IL4I1: variants seen among roughly 807,000 people sequenced by gnomAD.
IL4I1 encodes the protein interleukin 4 induced 1, also known as L-amino-acid oxidase.
Under a neutral mutation model 29.7 loss-of-function variants are expected in IL4I1, and 24 were observed. The ratio of observed to expected loss-of-function variants is 0.81; its 90% CI spans 0.59 to 1.14. The LOEUF (loss-of-function observed/expected upper bound fraction) is 1.14. Among genes scored for constraint, IL4I1 ranks in the 50% most tolerant of loss-of-function variants. The probability of loss-of-function intolerance (pLI) is 0.00; values close to 1 mark genes in which losing one functional copy is unlikely to be tolerated. For synonymous variants in IL4I1, 371 were observed against 352.5 expected, an observed-to-expected ratio of 1.05 and a Z score of -0.59; for missense variants, 686 against 785.6, an observed-to-expected ratio of 0.87 and a Z score of 1.52.
chr19:49,928,148 G>T (rs1287316436), intron 1 of IL4I1: 1 of 152,302 alleles, frequency 6.6e-6, no homozygotes, highest in Non-Finnish European at 1.5e-5. Context: ...GACAGCAGGT[G>T]TTGGACAGTC....
In IL4I1 at chr19:49,908,396, A is replaced by G; in HGVS notation, c.-227-4075T>C. On this transcript the variant is annotated intron_variant, in intron 2 of 9. Transcript: ENST00000341114. ...ATTGAGGATCTTGCAGATCTGCTGCAGTGGGTCACTGGTGTCGGCGGGGGC... is the reference window on the plus strand; with the variant it reads ...ATTGAGGATCTTGCAGATCTGCTGCGGTGGGTCACTGGTGTCGGCGGGGGC... 1.9e-6 allele frequency: 3 copies of G among 1,614,178 alleles called. No individual in the cohort carries two copies. Among genetic ancestry groups the G allele is most frequent in the Non-Finnish European group, 2.5e-6 (3 of 1,180,038 alleles).
chr19:49,892,184 T>A (rs1476897841), intron 5 of IL4I1, among the ~76,000 whole-genome samples: 4 of 149,492 alleles, frequency 2.7e-5, no homozygotes, highest in Non-Finnish European at 4.4e-5. Flanking sequence ...CAGGTTCAAG[T>A]GATTCTCCCA....
intron 2 of IL4I1, among the ~76,000 whole-genome samples, chr19:49,915,322 G>A (rs1227980672): frequency 1.3e-5 from 2 of 152,156 alleles, no homozygotes; most frequent in African/African-American, 4.8e-5. Flanking sequence ...GTTCTTCAGG[G>A]AGGCAGGAGT....
chr19:49,903,040 G>C (rs548329857), intron 3 of IL4I1, among the ~76,000 whole-genome samples: 1 of 151,758 alleles, frequency 6.6e-6, no homozygotes, highest in South Asian at 2.1e-4. Context: ...GCTTGAACCC[G>C]GGAGGCAGAG....
At chr19:49,907,599 T>A (rs1292571966) in intron 2 of IL4I1, 1 of 407,516 alleles carries the variant, frequency 2.5e-6, no homozygotes, top group Admixed American at 3.2e-5. Context: ...TGCAGTGGTG[T>A]GATCTTGGTT....
intron 2 of IL4I1, chr19:49,909,039 T>C: frequency 1.2e-6 from 2 of 1,613,116 alleles, no homozygotes; most frequent in Middle Eastern, 1.7e-4. Context: ...GCCTTTAAGC[T>C]GAAGCCCTGT....
Position 49,896,015 on chromosome 19 carries a change from G to C in IL4I1, c.52C>G (p.Leu18Val), listed in dbSNP as rs1600473372. 2 of 1,614,202 alleles carry C rather than the reference G, an allele frequency of 1.2e-6. No individual in the cohort carries two copies. The highest frequency in any genetic ancestry group is 2.2e-5 in the East Asian group (1 of 44,890). ...LLVLVPILLS[L>V]VASQDWKAER... The stretch of plus-strand genomic sequence containing the variant: ...GCCTTCCAGTCCTGGGAGGCCACCA[G>C]GCTGAGGAGGATGGGGACGAGGACG... Residue 18 changes from leucine to valine, a missense_variant, in exon 3 of 8, where the codon CTG becomes GTG. By Grantham distance (32) the Leu-to-Val change is conservative. Transcript: ENST00000391826.
chr19:49,903,784 C>T (rs980026452), intron 3 of IL4I1, among the ~76,000 whole-genome samples: 1 of 146,532 alleles, frequency 6.8e-6, no homozygotes, highest in African/African-American at 2.5e-5. Context: ...AAAAAGTCAT[C>T]ATTCCCTCAT....
intron 2 of IL4I1, chr19:49,908,974 G>C (rs368282671): frequency 6.2e-7 from 1 of 1,609,516 alleles, no homozygotes; most frequent in Admixed American, 1.7e-5. Context: ...TGGTGGTGGC[G>C]GTGGCGGTGG....
Position 49,890,292 on chromosome 19 carries a change from C to T in IL4I1, c.1082G>A (p.Arg361Lys), listed in dbSNP as rs754010874. 6.2e-6 allele frequency: 10 copies of T among 1,602,006 alleles called. No homozygotes were observed. The highest frequency in any genetic ancestry group is 8.5e-6 in the Non-Finnish European group (10 of 1,175,198). The change falls in exon 8 of 8, where the codon AGG (arginine) becomes AAG (lysine). Residue 361 changes from arginine (R) to lysine (K), a missense_variant. Physicochemically the swap from Arg to Lys is conservative, Grantham distance 26. Coordinates refer to ENST00000391826, the MANE Select transcript of IL4I1 (RefSeq NM_152899.2). Reference sequence around the variant, plus strand: ...AATGTGCTCCTCGCGCCAGAAGGGCCTGCGGAAGCTTAGGAACACCTTGGT... The same window carrying T: ...AATGTGCTCCTCGCGCCAGAAGGGCTTGCGGAAGCTTAGGAACACCTTGGT... ...PATKVFLSFR[R>K]PFWREEHIEG...
At chr19:49,896,960 CG>C (rs2075219448), upstream of IL4I1, 1 of 883,642 alleles carries the variant, frequency 1.1e-6, no homozygotes, top group Non-Finnish European at 1.4e-6. Flanking sequence ...GGAAACTGGC[CG>C]AGGGAAATGA....
Position 49,908,549 on chromosome 19 carries a change from G to A in IL4I1, c.-227-4228C>T, listed in dbSNP as rs887412812. Reference sequence around the variant, plus strand: ...CTCATCCGCGTGCTGCAGGTAGATGGTCCCGCTCTGCTCCTTGACCAACTC... The same window carrying A: ...CTCATCCGCGTGCTGCAGGTAGATGATCCCGCTCTGCTCCTTGACCAACTC... On this transcript the variant is annotated intron_variant, in intron 2 of 9. Coordinates refer to the IL4I1 transcript ENST00000341114. 9.3e-6 allele frequency: 15 copies of A among 1,614,052 alleles called. No homozygotes were observed. The highest frequency in any genetic ancestry group is 1.7e-5 in the Admixed American group (1 of 59,998).
At chr19:49,914,346 G>C (rs1050227902) in intron 2 of IL4I1, among the ~76,000 whole-genome samples, 3 of 152,168 alleles carry the variant, frequency 2.0e-5, no homozygotes, top group African/African-American at 7.2e-5. Context: ...GCATTTCCAG[G>C]GAAAGGAGGA....
upstream of IL4I1, among the ~76,000 whole-genome samples, chr19:49,899,559 T>G (rs371681634): frequency 6.8e-4 from 102 of 150,830 alleles, no homozygotes; most frequent in African/African-American, 1.8e-3. Flanking sequence ...TTTTGTTTTT[T>G]TTGTTTTTTT....
chr19:49,909,393 C>T lies in IL4I1; in HGVS notation c.-227-5072G>A, dbSNP rs3745489. On this transcript the variant is annotated intron_variant, in intron 2 of 9. Transcript: ENST00000341114. ...GTGGTGGAGGGGCCAAACACAAAGCCGGTGGGTGCTGTGCCCTGGCTGGAG... is the reference window on the plus strand; with the variant it reads ...GTGGTGGAGGGGCCAAACACAAAGCTGGTGGGTGCTGTGCCCTGGCTGGAG... 0.011 allele frequency: 17,817 copies of T among 1,613,698 alleles called. 380 individuals are homozygous for T. Among genetic ancestry groups the T allele is most frequent in the East Asian group, 0.1 (4,698 of 44,868 alleles).
chr19:49,890,453 C>A lies in IL4I1; in HGVS notation c.921G>T (p.Ala307=), dbSNP rs1304132726. The change falls in exon 8 of 8, where the codon GCG becomes GCT. Residue 307 remains alanine, a synonymous_variant. Coordinates refer to ENST00000391826, the MANE Select transcript of IL4I1 (RefSeq NM_152899.2). ...CGGCCTTCAGCACCTTCAGATTCCG[C>A]GCCGGGGGAGAGGTCTCGATCTGCA... ...VHVQIETSPP[A]RNLKVLKADV... 6.2e-7 allele frequency: 1 copy of A among 1,611,684 alleles called. No individual in the cohort carries two copies. Among genetic ancestry groups the A allele is most frequent in the Admixed American group, 1.7e-5 (1 of 59,976 alleles).
chr19:49,889,839 G>A lies in IL4I1; in HGVS notation c.1535C>T (p.Ser512Leu), dbSNP rs1016091300. Residue 512 changes from serine (S) to leucine (L), a missense_variant, in exon 8 of 8, where the codon TCG (serine) becomes TTG (leucine). By Grantham distance (145) the Ser-to-Leu change is moderately radical. Transcript: ENST00000391826. Reference protein sequence around the residue: ...IKINSRKGPASDTASPEGHAS... With the variant: ...IKINSRKGPALDTASPEGHAS... ...GTGCCCCTCGGGGCTGGCCGTGTCCGATGCAGGCCCCTTCCGGCTGTTGAT... is the reference window on the plus strand; with the variant it reads ...GTGCCCCTCGGGGCTGGCCGTGTCCAATGCAGGCCCCTTCCGGCTGTTGAT... The A allele has an allele frequency of 5.1e-6, 8 of 1,577,060 alleles. No individual in the cohort carries two copies. The highest frequency in any genetic ancestry group is 1.1e-5 in the South Asian group (1 of 86,962).
At chr19:49,891,756 G>T (rs1280989799) in intron 5 of IL4I1, among the ~76,000 whole-genome samples, 1 of 152,222 alleles carries the variant, frequency 6.6e-6, no homozygotes, top group African/African-American at 2.4e-5. Flanking sequence ...GTGTTATTTT[G>T]CCTATTTTTC....
intron 2 of IL4I1, among the ~76,000 whole-genome samples, chr19:49,910,457 T>C (rs558040491): frequency 7.3e-4 from 111 of 152,212 alleles, no homozygotes; most frequent in African/African-American, 2.6e-3. Flanking sequence ...CTCCTCCTCC[T>C]AACTCAGGGG....
Sources: gnomAD v4.1 joint callset for allele counts (sites outside exome capture counted in the v4.1 genomes callset) on GRCh38, gnomAD v4.1.1 for gene constraint, MANE v1.5 for transcripts, NCBI Gene and HGNC (gene_info 2026-07-23, HGNC 2026-07-21) for gene names.